The following SLC24A2 variants were observed in gnomAD, a reference collection of about 807,000 sequenced individuals.
SLC24A2 encodes the protein solute carrier family 24 member 2, also known as sodium/potassium/calcium exchanger 2.
Under a neutral mutation model 62.0 loss-of-function variants are expected in SLC24A2, and 36 were observed. That is an observed-to-expected ratio of 0.58 (90% CI 0.44 to 0.77). The LOEUF (loss-of-function observed/expected upper bound fraction) is 0.77. SLC24A2 is among the 30% of genes least tolerant of loss of function. The pLI is 0.00. For synonymous variants in SLC24A2, 358 were observed against 294.0 expected, an observed-to-expected ratio of 1.22 and a Z score of -2.23; for missense variants, 846 against 817.9, an observed-to-expected ratio of 1.03 and a Z score of -0.42.
the SLC24A2 span, among the ~76,000 whole-genome samples, chr9:20,071,843 A>G: frequency 7.0e-4 from 107 of 152,254 alleles, 1 homozygote; most frequent in East Asian, 0.019. Context: ...TGGGGTTCCT[A>G]CAACCTCCTC....
the SLC24A2 span, among the ~76,000 whole-genome samples, chr9:20,138,738 G>T: frequency 6.6e-6 from 1 of 151,986 alleles, no homozygotes; most frequent in East Asian, 1.9e-4. Context: ...CCTTTTTCAG[G>T]GTTCTTATTA....
the SLC24A2 span, among the ~76,000 whole-genome samples, chr9:20,182,157 G>A: frequency 6.6e-6 from 1 of 152,140 alleles, no homozygotes; most frequent in Non-Finnish European, 1.5e-5. Flanking sequence ...TGGTTAAATA[G>A]GAACGCTTTT....
At chr9:19,771,239 G>T (rs1053075879) in intron 2 of SLC24A2, among the ~76,000 whole-genome samples, 1 of 152,130 alleles carries the variant, frequency 6.6e-6, no homozygotes, top group African/African-American at 2.4e-5. Context: ...TCTGCACCAG[G>T]GAGGCATGTG....
At chr9:20,145,786 T>C in the SLC24A2 span, among the ~76,000 whole-genome samples, 1 of 152,024 alleles carries the variant, frequency 6.6e-6, no homozygotes, top group African/African-American at 2.4e-5. Context: ...CACATATATG[T>C]ATATGTGTAT....
chr9:20,243,925 T>G, the SLC24A2 span, among the ~76,000 whole-genome samples: 18 of 151,826 alleles, frequency 1.2e-4, no homozygotes, highest in Admixed American at 1.2e-3. Context: ...TATTGGTGGA[T>G]AGAAGGAGGG....
the SLC24A2 span, among the ~76,000 whole-genome samples, chr9:19,903,813 G>T: frequency 6.6e-6 from 1 of 152,166 alleles, no homozygotes; most frequent in African/African-American, 2.4e-5. Context: ...AGCTTTAGAG[G>T]TCAGTATGAG....
chr9:19,860,210 G>T, the SLC24A2 span, among the ~76,000 whole-genome samples: 1 of 152,182 alleles, frequency 6.6e-6, no homozygotes, highest in Non-Finnish European at 1.5e-5. Context: ...GAGGAGAGGA[G>T]ATGAAAGAGT....
At chr9:19,554,084 A>C (rs1355971671) in intron 7 of SLC24A2, among the ~76,000 whole-genome samples, 1 of 152,142 alleles carries the variant, frequency 6.6e-6, no homozygotes, top group East Asian at 1.9e-4. Flanking sequence ...GTCCTAATCA[A>C]ATCTACCTGG....
chr9:20,110,815 G>C, the SLC24A2 span, among the ~76,000 whole-genome samples: 1 of 152,114 alleles, frequency 6.6e-6, no homozygotes, highest in African/African-American at 2.4e-5. Context: ...TTTTGAACAA[G>C]ATTTATGAAA....
chr9:20,008,143 A>ATTGAG, the SLC24A2 span, among the ~76,000 whole-genome samples: 1 of 151,180 alleles, frequency 6.6e-6, no homozygotes, highest in Non-Finnish European at 1.5e-5. Context: ...TGATCCACCC[A>ATTGAG]CCTCAGCCTC....
At chr9:19,549,134 A>G (rs772409505) in intron 8 of SLC24A2, among the ~76,000 whole-genome samples, 6 of 152,336 alleles carry the variant, frequency 3.9e-5, no homozygotes, top group African/African-American at 4.8e-5. Context: ...TGATAATGGT[A>G]GATAATAAAA....
At chr9:19,996,656 C>G in the SLC24A2 span, among the ~76,000 whole-genome samples, 1 of 149,776 alleles carries the variant, frequency 6.7e-6, no homozygotes, top group Non-Finnish European at 1.5e-5. Context: ...GGAGGAGAAT[C>G]GCTTGAACCT....
the SLC24A2 span, among the ~76,000 whole-genome samples, chr9:19,964,446 G>A: frequency 2.0e-5 from 3 of 152,156 alleles, no homozygotes; most frequent in African/African-American, 7.2e-5. Flanking sequence ...TGTTTAAAAT[G>A]CTAGGTGCAT....
At chr9:20,046,830 G>T in the SLC24A2 span, among the ~76,000 whole-genome samples, 1 of 152,142 alleles carries the variant, frequency 6.6e-6, no homozygotes, top group African/African-American at 2.4e-5. Context: ...TTTAAGCAAA[G>T]TTTTTCTCTC....
chr9:19,834,298 A>AC, the SLC24A2 span, among the ~76,000 whole-genome samples: 2 of 151,506 alleles, frequency 1.3e-5, no homozygotes, highest in South Asian at 4.1e-4. Context: ...GGAAGTTCGA[A>AC]CCAATGGCAA....
chr9:20,079,104 T>C, the SLC24A2 span, among the ~76,000 whole-genome samples: 1 of 144,424 alleles, frequency 6.9e-6, no homozygotes, highest in African/African-American at 2.5e-5. Context: ...AATCCAATGA[T>C]AATTGTCCTT....
chr9:19,954,517 T>C, the SLC24A2 span, among the ~76,000 whole-genome samples: 1 of 151,968 alleles, frequency 6.6e-6, no homozygotes, highest in Non-Finnish European at 1.5e-5. Flanking sequence ...CCAGGAAAGA[T>C]TGGAAATCAT....
At chr9:19,986,410 T>C in the SLC24A2 span, among the ~76,000 whole-genome samples, 1 of 151,238 alleles carries the variant, frequency 6.6e-6, no homozygotes, top group Non-Finnish European at 1.5e-5. Flanking sequence ...TGACCCTATA[T>C]AGGACCTAGC....
the SLC24A2 span, among the ~76,000 whole-genome samples, chr9:20,238,298 T>C: frequency 6.6e-6 from 1 of 152,202 alleles, no homozygotes; most frequent in Non-Finnish European, 1.5e-5. Context: ...CAGTGTCTTA[T>C]GCATGATCAG....
Sources: allele counts gnomAD v4.1 joint callset (sites outside exome capture counted in the v4.1 genomes callset), GRCh38; gene constraint gnomAD v4.1.1; transcripts MANE v1.5; gene names NCBI Gene and HGNC (gene_info 2026-07-23, HGNC 2026-07-21).